PCDHA13: variants seen among roughly 807,000 people sequenced by gnomAD.
PCDHA13 encodes the protein protocadherin alpha 13, also known as protocadherin alpha-13.
Under a neutral mutation model 64.8 loss-of-function variants are expected in PCDHA13, and 54 were observed. The observed-to-expected ratio is 0.83, with a 90% CI of 0.67 to 1.04. The LOEUF is 1.04. Among genes scored for constraint, PCDHA13 ranks in the 50% least tolerant of loss-of-function variants. The pLI is 0.00. For synonymous variants in PCDHA13, 587 were observed against 564.4 expected (o/e 1.04, Z -0.57); for missense variants, 1,248 against 1,254.3 (o/e 0.99, Z 0.08).
At chr5:140,994,811 A>G (rs1283053490) in intron 3 of PCDHA13, among the ~76,000 whole-genome samples, 1 of 152,194 alleles carries the variant, frequency 6.6e-6, no homozygotes, top group Non-Finnish European at 1.5e-5. Context: ...ACAAAATACA[A>G]AAAACTGAAT....
chr5:140,899,982 AT>A (rs1290251020), intron 1 of PCDHA13, among the ~76,000 whole-genome samples: 2 of 150,600 alleles, frequency 1.3e-5, no homozygotes, highest in African/African-American at 4.9e-5. Flanking sequence ...TACTTTTTTG[AT>A]TTTTTTTGTA....
At chr5:140,997,967 G>A (rs1275111362) in intron 3 of PCDHA13, among the ~76,000 whole-genome samples, 1 of 152,104 alleles carries the variant, frequency 6.6e-6, no homozygotes, top group African/African-American at 2.4e-5. Flanking sequence ...CGTACCTGTG[G>A]TTGGACTGCA....
chr5:140,883,686 A>T lies in PCDHA13; in HGVS notation c.1418A>T (p.His473Leu). The T allele has an allele frequency of 6.2e-7, 1 of 1,613,782 alleles. No homozygotes were observed. The highest frequency in any genetic ancestry group is 1.1e-5 in the South Asian group (1 of 91,068). Residue 473 changes from histidine to leucine, a missense_variant, in exon 1 of 4, where the codon CAC becomes CTC. Transcript: ENST00000289272. ...AAGGAAAACAATCCGCCGGGCTGCC[A>T]CATCTTCACGGTGTCTGCTCAGGAC... is the stretch of plus-strand genomic sequence containing the variant. ...FVKENNPPGC[H>L]IFTVSAQDAD...
chr5:140,977,067 A>G (rs2096744217), intron 1 of PCDHA13, among the ~76,000 whole-genome samples: 1 of 152,250 alleles, frequency 6.6e-6, no homozygotes, highest in South Asian at 2.1e-4. Context: ...TATAGAAAAT[A>G]GCAGCATGAC....
At chr5:140,925,833 CG>C (rs2082756406) in intron 1 of PCDHA13, among the ~76,000 whole-genome samples, 1 of 152,070 alleles carries the variant, frequency 6.6e-6, no homozygotes, top group Admixed American at 6.5e-5. Flanking sequence ...GGGGACGGGT[CG>C]TCAAGTCTTT....
intron 1 of PCDHA13, chr5:140,969,253 C>G (rs200334724): frequency 7.4e-6 from 12 of 1,614,084 alleles, no homozygotes; most frequent in Non-Finnish European, 8.5e-7. Context: ...TGACTGACAG[C>G]AGGAATCTCA....
chr5:140,908,846 T>C (rs2074185614), intron 1 of PCDHA13, among the ~76,000 whole-genome samples: 1 of 152,176 alleles, frequency 6.6e-6, no homozygotes, highest in South Asian at 2.1e-4. Context: ...TGGAGTAACA[T>C]ACCCAAATGA....
At chr5:140,943,063 C>T (rs1461337774) in intron 1 of PCDHA13, among the ~76,000 whole-genome samples, 1 of 151,748 alleles carries the variant, frequency 6.6e-6, no homozygotes, top group Admixed American at 6.6e-5. Context: ...TCAAGAACAG[C>T]CTGACCAACA....
intron 1 of PCDHA13, among the ~76,000 whole-genome samples, chr5:140,966,009 G>A (rs2153745631): frequency 6.6e-6 from 1 of 152,278 alleles, no homozygotes; most frequent in South Asian, 2.1e-4. Flanking sequence ...AGTGTCCAGG[G>A]AAGATGTGGG....
intron 1 of PCDHA13, among the ~76,000 whole-genome samples, chr5:140,974,767 T>C (rs559758887): frequency 1.2e-4 from 18 of 152,098 alleles, no homozygotes; most frequent in Non-Finnish European, 2.4e-4. Flanking sequence ...GGATTACAGG[T>C]ATGAGCCACT....
chr5:140,917,574 A>AT (rs2078267630), intron 1 of PCDHA13, among the ~76,000 whole-genome samples: 2 of 152,154 alleles, frequency 1.3e-5, no homozygotes, highest in Non-Finnish European at 2.9e-5. Context: ...TCTCAGGCTG[A>AT]TTTTTGTTCA....
At chr5:140,957,023 G>C (rs1360382480) in intron 1 of PCDHA13, among the ~76,000 whole-genome samples, 2 of 152,100 alleles carry the variant, frequency 1.3e-5, no homozygotes, top group Non-Finnish European at 2.9e-5. Flanking sequence ...TGAGCATTTA[G>C]ATATTTATGG....
Position 141,000,418 on chromosome 5 carries a change from TA to T in PCDHA13, c.2543-9208del, listed in dbSNP as rs1328416600. 5.1e-3 allele frequency among the ~76,000 whole-genome samples: 429 copies of T among 83,548 alleles called. 3 individuals carry two copies. The highest frequency in any genetic ancestry group is 6.3e-3 in the Non-Finnish European group (284 of 45,190). 54.8% of individuals were successfully genotyped at this position (83,548 alleles called of 152,430 possible). A position where few individuals can be genotyped will look rare whatever the true frequency, so the allele number is the denominator to read the frequency against. ...CTCTATATATATATATATATATATA[TA>T]TATTTTTTTTTTTTTTTTTTTTTTT... On this transcript the variant is annotated intron_variant, in intron 3 of 3. Transcript: ENST00000289272.
chr5:140,944,984 T>A (rs972607288), intron 1 of PCDHA13, among the ~76,000 whole-genome samples: 6 of 152,184 alleles, frequency 3.9e-5, no homozygotes, highest in Non-Finnish European at 8.8e-5. Context: ...GTGGGTCTAC[T>A]TCTGTAACGG....
At chr5:140,950,555 C>T (rs1421946616) in intron 1 of PCDHA13, among the ~76,000 whole-genome samples, 1 of 151,964 alleles carries the variant, frequency 6.6e-6, no homozygotes, top group Non-Finnish European at 1.5e-5. Flanking sequence ...GCTGGGGGGA[C>T]ACTTATTTTA....
chr5:140,954,102 A>G (rs2094980163), intron 1 of PCDHA13, among the ~76,000 whole-genome samples: 1 of 152,186 alleles, frequency 6.6e-6, no homozygotes, highest in South Asian at 2.1e-4. Flanking sequence ...TGTCCCTGCA[A>G]AGGACAAGAT....
At chr5:140,934,738 C>T (rs1342430086) in intron 1 of PCDHA13, among the ~76,000 whole-genome samples, 1 of 152,078 alleles carries the variant, frequency 6.6e-6, no homozygotes, top group Admixed American at 6.5e-5. Flanking sequence ...TTTTAGGTGT[C>T]ATTATGAACT....
At position 140,965,675 on chromosome 5, in the gene PCDHA13, A is replaced by G. The variant is rs1049081993; in HGVS notation, c.2395-13274A>G. ...AAATGTCTTGGGTGATAAATGTAAA[A>G]GATTTGAAGCAAGATTAGAAAAAGC... On this transcript the variant is annotated intron_variant, in intron 1 of 3. Transcript: ENST00000289272. Among the ~76,000 whole-genome samples, 4 of 152,350 alleles carry G rather than the reference A, an allele frequency of 2.6e-5. No homozygotes were observed. The East Asian group carries it at 7.7e-4, about 29-fold the overall frequency.
chr5:140,885,206 A>T (rs1304868227), intron 1 of PCDHA13, among the ~76,000 whole-genome samples: 1 of 152,038 alleles, frequency 6.6e-6, no homozygotes, highest in Admixed American at 6.6e-5. Context: ...CATATATCCC[A>T]TGAAAAATAT....
Sources: gnomAD v4.1 joint callset for allele counts (sites outside exome capture counted in the v4.1 genomes callset) on GRCh38, gnomAD v4.1.1 for gene constraint, MANE v1.5 for transcripts, NCBI Gene and HGNC (gene_info 2026-07-23, HGNC 2026-07-21) for gene names.